The following USP9X variants were observed in gnomAD, a reference collection of about 807,000 sequenced individuals.
USP9X encodes the protein ubiquitin specific peptidase 9 X-linked, also known as ubiquitin carboxyl-terminal hydrolase 9X.
USP9X carries 7 observed loss-of-function variants against 190.3 expected under a neutral mutation model. The ratio of observed to expected loss-of-function variants is 0.04; its 90% CI spans 0.02 to 0.07. The LOEUF is 0.07. Ranked by LOEUF, USP9X falls within the 10% of genes least tolerant of loss-of-function variation. The pLI is 1.00. For synonymous variants in USP9X, 645 were observed against 659.5 expected, an observed-to-expected ratio of 0.98 and a Z score of 0.34; for missense variants, 1,010 against 1,916.9, an observed-to-expected ratio of 0.53 and a Z score of 8.83.
intron 31 of USP9X, among the ~76,000 whole-genome samples, chrX:41,202,988 A>G (rs1407772904): frequency 9.0e-6 from 1 of 111,141 alleles, no homozygotes; most frequent in Admixed American, 9.6e-5. Flanking sequence ...TTCCATCCCT[A>G]GAGTATAAGT....
chrX:41,126,486 C>CTTA (rs2146998931), intron 2 of USP9X, among the ~76,000 whole-genome samples: 1 of 111,528 alleles, frequency 9.0e-6, no homozygotes, highest in East Asian at 2.8e-4. Context: ...ACCTTTTTTG[C>CTTA]AATGTTTCTG....
chrX:41,093,994 A>C (rs1054498370), intron 1 of USP9X, among the ~76,000 whole-genome samples: 2 of 110,934 alleles, frequency 1.8e-5, no homozygotes, highest in Non-Finnish European at 3.8e-5. Context: ...AAAATATAGA[A>C]AATCTCATTT....
chrX:41,085,997 C>T lies in USP9X; in HGVS notation c.-271C>T, dbSNP rs2061907316. 3.4e-6 allele frequency: 1 copy of T among 296,497 alleles called. No individual in the cohort carries two copies. The highest frequency in any genetic ancestry group is 2.7e-5 in the African/African-American group (1 of 36,564). The allele number at this position is 296,497 out of a possible 1,213,427, so 24.4% of individuals were successfully genotyped here. On this transcript the variant is annotated 5_prime_UTR_variant, in exon 1 of 45. Coordinates refer to ENST00000378308, the MANE Select transcript of USP9X (RefSeq NM_001039591.3). ...TCGATACACTTTGTTGCCGGTCACC[C>T]CCGGGCCTGGGATGCACCCAGGGTA...
chrX:41,205,578 G>A, intron 32 of USP9X, 85 bp downstream of exon 32: 1 of 891,087 alleles, frequency 1.1e-6, no homozygotes, highest in Non-Finnish European at 1.5e-6. Context: ...AAGACATGTT[G>A]GAAGGCATCT....
At chrX:41,087,196 T>C (rs2061919762) in intron 1 of USP9X, among the ~76,000 whole-genome samples, 1 of 112,841 alleles carries the variant, frequency 8.9e-6, no homozygotes, top group Non-Finnish European at 1.9e-5. Context: ...TGCTTTATTT[T>C]TCGGGGAGAG....
chrX:41,200,506 G>T (rs1228575796), intron 30 of USP9X, among the ~76,000 whole-genome samples: 2 of 111,678 alleles, frequency 1.8e-5, no homozygotes, highest in East Asian at 2.8e-4. Flanking sequence ...TAGCATTATA[G>T]ATATCAGGAA....
At chrX:41,176,209 C>T in intron 21 of USP9X, among the ~76,000 whole-genome samples, 1 of 111,859 alleles carries the variant, frequency 8.9e-6, no homozygotes, top group East Asian at 2.8e-4. Flanking sequence ...GGACACTCCT[C>T]GCTCTGCTTG....
intron 5 of USP9X, among the ~76,000 whole-genome samples, chrX:41,135,654 G>C (rs904381706): frequency 1.8e-5 from 2 of 111,627 alleles, no homozygotes; most frequent in African/African-American, 6.5e-5. Flanking sequence ...CCCGCAAGAC[G>C]GAGTCTCACT....
At chrX:41,194,255 TTTAAA>T (rs1367066248) in intron 26 of USP9X, among the ~76,000 whole-genome samples, 5 of 111,929 alleles carry the variant, frequency 4.5e-5, no homozygotes, top group African/African-American at 6.5e-5. Flanking sequence ...ACACTTGTAC[TTTAAA>T]TTAAGTTCTG....
At position 41,086,024 on chromosome X, in the gene USP9X, G is replaced by C; in HGVS notation, c.-244G>C. 1 of 297,262 alleles carries C rather than the reference G, an allele frequency of 3.4e-6. No individual in the cohort carries two copies. The allele number at this position is 297,262 out of a possible 1,213,427, so 24.5% of individuals were successfully genotyped here. A position where few individuals can be genotyped will look rare whatever the true frequency, so the allele number is the denominator to read the frequency against. On this transcript the variant is annotated 5_prime_UTR_variant, in exon 1 of 45. Transcript: ENST00000378308. ...CGGGCCTGGGATGCACCCAGGGTAG[G>C]TCTCGTCCCGGGACCGAGCCCCACC...
At chrX:41,152,642 A>G (rs755060510) in intron 13 of USP9X, among the ~76,000 whole-genome samples, 103 of 112,136 alleles carry the variant, frequency 9.2e-4, no homozygotes, top group Non-Finnish European at 1.8e-3. Flanking sequence ...TAATTTTGGG[A>G]ATAATTACAT....
rs1247043073 is a variant in USP9X at position 41,235,339 on chromosome X, T to C, written c.*2815T>C. ...TAATGGTGATTTTGAGGTCTTTTTCTGAACACAAGTGGCACATTTTAAATT... is the reference window on the plus strand; with the variant it reads ...TAATGGTGATTTTGAGGTCTTTTTCCGAACACAAGTGGCACATTTTAAATT... On this transcript the variant is annotated 3_prime_UTR_variant, in exon 45 of 45. Coordinates refer to ENST00000378308, the MANE Select transcript of USP9X (RefSeq NM_001039591.3). The C allele has an allele frequency of 8.8e-6, 1 of 113,239 alleles. No individual in the cohort carries two copies. The highest frequency in any genetic ancestry group is 9.4e-5 in the Admixed American group (1 of 10,651). 9.3% of individuals were successfully genotyped at this position (113,239 alleles called of 1,213,427 possible). A position where few individuals can be genotyped will look rare whatever the true frequency, so the allele number is the denominator to read the frequency against.
intron 14 of USP9X, among the ~76,000 whole-genome samples, chrX:41,160,537 G>A (rs1204581888): frequency 2.7e-5 from 3 of 111,316 alleles, no homozygotes; most frequent in East Asian, 5.6e-4. Flanking sequence ...TGGGTTGTTA[G>A]CTAAAACTAG....
At chrX:41,127,596 C>T (rs775439555) in intron 2 of USP9X, among the ~76,000 whole-genome samples, 32 of 112,244 alleles carry the variant, frequency 2.9e-4, no homozygotes, top group Non-Finnish European at 4.3e-4. Flanking sequence ...ACTTGACTTC[C>T]GTGCTGTAGT....
At chrX:41,127,644 C>G (rs2062267797) in intron 2 of USP9X, among the ~76,000 whole-genome samples, 1 of 112,015 alleles carries the variant, frequency 8.9e-6, no homozygotes, top group Admixed American at 9.5e-5. Flanking sequence ...AGCACCTGCA[C>G]AGTTTTACTG....
In USP9X at chrX:41,216,474, A is replaced by G; in HGVS notation, c.5907A>G (p.Ile1969Met). 8.3e-7 allele frequency: 1 copy of G among 1,211,703 alleles called. No individual in the cohort carries two copies. The highest frequency in any genetic ancestry group is 1.7e-5 in the African/African-American group (1 of 57,728). The change falls in exon 35 of 45, where the codon ATA becomes ATG. Residue 1969 changes from isoleucine (I) to methionine (M), a missense_variant. Physicochemically the swap from Ile to Met is conservative, Grantham distance 10. Around this residue, in one of 11 missense-constraint regions of USP9X, gnomAD observed 31 missense variants for 27.2 expected, o/e 1.14. Transcript: ENST00000378308. ...AAGATGATGAGTTGATAAGATATATATCAGAGCTTGCTATCACCACCAGAC... is the reference window on the plus strand; with the variant it reads ...AAGATGATGAGTTGATAAGATATATGTCAGAGCTTGCTATCACCACCAGAC... ...IDQDDELIRY[I>M]SELAITTRPH...
At chrX:41,190,637 GTTAT>G (rs2062925339) in intron 26 of USP9X, among the ~76,000 whole-genome samples, 1 of 111,901 alleles carries the variant, frequency 8.9e-6, no homozygotes, top group South Asian at 3.7e-4. Context: ...TAGCAAGTTT[GTTAT>G]TCTATGTTGA....
At chrX:41,207,353 G>A (rs1449225537) in intron 32 of USP9X, among the ~76,000 whole-genome samples, 1 of 110,763 alleles carries the variant, frequency 9.0e-6, no homozygotes, top group Non-Finnish European at 1.9e-5. Context: ...CCAAAGTGCT[G>A]GGATTACAGG....
chrX:41,190,735 C>A (rs753232578), intron 26 of USP9X, among the ~76,000 whole-genome samples: 2 of 110,898 alleles, frequency 1.8e-5, no homozygotes, highest in Non-Finnish European at 3.8e-5. Flanking sequence ...GGTTTTTTGC[C>A]CTCTACCCTT....
Sources: allele counts gnomAD v4.1 joint callset (sites outside exome capture counted in the v4.1 genomes callset), GRCh38; gene constraint gnomAD v4.1.1; regional missense constraint gnomAD v4.1.1; transcripts MANE v1.5; gene names NCBI Gene and HGNC (gene_info 2026-07-23, HGNC 2026-07-21).